The following PLG variants were observed in gnomAD, a reference collection of about 807,000 sequenced individuals.
The protein encoded by PLG is plasminogen.
PLG carries 41 observed loss-of-function variants against 104.4 expected under a neutral mutation model. That is an observed-to-expected ratio of 0.39 (90% CI 0.31 to 0.51). The LOEUF is 0.51. Ranked by LOEUF, PLG falls within the 20% of genes least tolerant of loss-of-function variation. The probability of loss-of-function intolerance (pLI) is 0.76; values close to 1 mark genes in which losing one functional copy is unlikely to be tolerated. For synonymous variants in PLG, 337 were observed against 357.1 expected (o/e 0.94, Z 0.63); for missense variants, 891 against 1,003.6 (o/e 0.89, Z 1.52).
Position 160,736,828 on chromosome 6 carries a change from T to C in PLG, c.1682-59T>C. On this transcript the variant is annotated intron_variant, in intron 13 of 18. Transcript: ENST00000308192. This position sits in a 1 kb window ranked among gnomAD's most constrained non-coding sequence, Gnocchi z 5.2. ...TCAGTGCTTGGAATTTGTCTCGAAT[T>C]ACACCACAAAATTGCTACCTTGTCT... is the stretch of plus-strand genomic sequence containing the variant. The C allele has an allele frequency of 6.2e-7, 1 of 1,609,204 alleles. No homozygotes were observed. Among genetic ancestry groups the C allele is most frequent in the Non-Finnish European group, 8.5e-7 (1 of 1,176,526 alleles).
intron 17 of PLG, among the ~76,000 whole-genome samples, chr6:160,749,815 A>G (rs2115188463): frequency 6.7e-6 from 1 of 149,720 alleles, no homozygotes; most frequent in East Asian, 2.0e-4. Flanking sequence ...CACCGTCACC[A>G]TCATTTCACT....
At position 160,724,984 on chromosome 6, in the gene PLG, A is replaced by G. The variant is rs1777900084; in HGVS notation, c.1256+2417A>G. Among the ~76,000 whole-genome samples, 1 of 152,158 alleles carries G rather than the reference A, an allele frequency of 6.6e-6. No homozygotes were observed. The highest frequency in any genetic ancestry group is 1.5e-5 in the Non-Finnish European group (1 of 68,018). On this transcript the variant is annotated intron_variant, in intron 10 of 18. Coordinates refer to ENST00000308192, the MANE Select transcript of PLG (RefSeq NM_000301.5). The surrounding 1 kb of genome is among the most constrained non-coding windows in gnomAD (Gnocchi z 5.0). ...TTAAAAGATAATTGATGGGAGGCTG[A>G]GTCGGGCAGATCATGGGGTCAGGAG... is the stretch of plus-strand genomic sequence containing the variant.
chr6:160,706,588 TG>T (rs921593561), intron 2 of PLG, 46 bp downstream of exon 2: 1 of 1,568,406 alleles, frequency 6.4e-7, no homozygotes, highest in African/African-American at 1.4e-5. Flanking sequence ...GTAATTCAGA[TG>T]GCAAGTAATT....
chr6:160,715,864 G>A lies in PLG; in HGVS notation c.669-781G>A, dbSNP rs553842925. ...GAAGGAGAAGAGGATTGCTTAAGCC[G>A]CTGCTGGCTCCTCTTTCCATCCTGG... On this transcript the variant is annotated intron_variant, in intron 6 of 18. Coordinates refer to ENST00000308192, the MANE Select transcript of PLG (RefSeq NM_000301.5). Among the ~76,000 whole-genome samples, 31 of 152,368 alleles carry A rather than the reference G, an allele frequency of 2.0e-4. 1 individual carries two copies. Among genetic ancestry groups the A allele is most frequent in the East Asian group, 9.6e-4 (5 of 5,184 alleles).
intron 4 of PLG, chr6:160,711,433 T>C: frequency 1.3e-6 from 1 of 782,948 alleles, no homozygotes; most frequent in South Asian, 1.9e-5. Context: ...TGTTTTATTG[T>C]CATATTGTTA....
At chr6:160,749,801 CCAT>C (rs1778370009) in intron 17 of PLG, among the ~76,000 whole-genome samples, 1 of 151,584 alleles carries the variant, frequency 6.6e-6, no homozygotes, top group African/African-American at 2.4e-5. Context: ...CTACCCACCA[CCAT>C]CACCGTCACC....
rs765010015 is a variant in PLG at position 160,752,070 on chromosome 6, G to C, written c.2126-45G>C. Reference sequence around the variant, plus strand: ...TCTGTTCTGGAATATCCTCCTGAATGTGTTTTGGGTGCAGTTGCCATTTCT... The same window carrying C: ...TCTGTTCTGGAATATCCTCCTGAATCTGTTTTGGGTGCAGTTGCCATTTCT... On this transcript the variant is annotated intron_variant, in intron 17 of 18. Transcript: ENST00000308192. This position sits in a 1 kb window ranked among gnomAD's most constrained non-coding sequence, Gnocchi z 4.7. The C allele has an allele frequency of 1.3e-6, 2 of 1,579,338 alleles. No homozygotes were observed. The highest frequency in any genetic ancestry group is 2.7e-5 in the African/African-American group (2 of 74,256).
In PLG at chr6:160,740,159, G is replaced by A. The variant is rs968212263; in HGVS notation, c.2018+951G>A. On this transcript the variant is annotated intron_variant, in intron 16 of 18. Coordinates refer to ENST00000308192, the MANE Select transcript of PLG (RefSeq NM_000301.5). This position sits in a 1 kb window ranked among gnomAD's most constrained non-coding sequence, Gnocchi z 5.2. ...GAGCCTGAGCTGCTCTCCTGGGCCTGGCCACAAGCCCAGGGCAGCTTCTCT... is the reference window on the plus strand; with the variant it reads ...GAGCCTGAGCTGCTCTCCTGGGCCTAGCCACAAGCCCAGGGCAGCTTCTCT... Among the ~76,000 whole-genome samples the A allele has an allele frequency of 6.6e-6, 1 of 152,170 alleles. No homozygotes were observed. The highest frequency in any genetic ancestry group is 2.4e-5 in the African/African-American group (1 of 41,452).
Position 160,731,996 on chromosome 6 carries a change from G to C in PLG, c.1587+103G>C. On this transcript the variant is annotated intron_variant, in intron 12 of 18. Coordinates refer to ENST00000308192, the MANE Select transcript of PLG (RefSeq NM_000301.5). This position sits in a 1 kb window ranked among gnomAD's most constrained non-coding sequence, Gnocchi z 5.1. Reference sequence around the variant, plus strand: ...AATCTGACCTGGACTGCTCTTTTTTGTAATGGGGGAGAGGGGACAGAAGAA... The same window carrying C: ...AATCTGACCTGGACTGCTCTTTTTTCTAATGGGGGAGAGGGGACAGAAGAA... The C allele has an allele frequency of 8.5e-7, 1 of 1,171,794 alleles. No individual in the cohort carries two copies. The highest frequency in any genetic ancestry group is 1.3e-6 in the Non-Finnish European group (1 of 784,956). The allele number at this position is 1,171,794 out of a possible 1,614,324, so 72.6% of individuals were successfully genotyped here.
chr6:160,728,833 A>C (rs1039921970), intron 10 of PLG, among the ~76,000 whole-genome samples: 3 of 152,212 alleles, frequency 2.0e-5, no homozygotes, highest in Non-Finnish European at 4.4e-5. Flanking sequence ...TATTTTCACA[A>C]ACTTGAGGAA....
Position 160,713,071 on chromosome 6 carries a change from T to C in PLG, c.493T>C (p.Tyr165His), listed in dbSNP as rs139828885. 38 of 1,609,242 alleles carry C rather than the reference T, an allele frequency of 2.4e-5. No individual in the cohort carries two copies. The African/African-American group carries it at 4.9e-4, about 21-fold the overall frequency. The stretch of plus-strand genomic sequence containing the variant: ...CAACGATCCGCAGGGGCCCTGGTGC[T>C]ATACTACTGATCCAGAAAAGAGATA... Reference protein sequence around the residue: ...PDNDPQGPWCYTTDPEKRYDY... With the variant: ...PDNDPQGPWCHTTDPEKRYDY... The change falls in exon 5 of 19, where the codon TAT (tyrosine) becomes CAT (histidine). Residue 165 changes from tyrosine (Y) to histidine (H), a missense_variant. Coordinates refer to ENST00000308192, the MANE Select transcript of PLG (RefSeq NM_000301.5).
At position 160,739,177 on chromosome 6, in the gene PLG, C is replaced by G. The variant is rs752522150; in HGVS notation, c.1987C>G (p.Arg663Gly). 1.2e-6 allele frequency: 2 copies of G among 1,614,128 alleles called. No homozygotes were observed. The highest frequency in any genetic ancestry group is 1.1e-5 in the South Asian group (1 of 91,084). The change falls in exon 16 of 19, where the codon CGA (arginine) becomes GGA (glycine). Residue 663 changes from arginine (R) to glycine (G), a missense_variant. By Grantham distance (125) the Arg-to-Gly change is moderately radical. Transcript: ENST00000308192. The surrounding 1 kb of genome is among the most constrained non-coding windows in gnomAD (Gnocchi z 4.4). ...EVSRLFLEPT[R>G]KDIALLKLSS... is the part of the protein sequence containing the mutation. ...GTCTAGGCTGTTCTTGGAGCCCACA[C>G]GAAAAGATATTGCCTTGCTAAAGCT...
chr6:160,745,237 T>C (rs1778259201), intron 17 of PLG, among the ~76,000 whole-genome samples: 1 of 152,214 alleles, frequency 6.6e-6, no homozygotes, highest in Non-Finnish European at 1.5e-5. Flanking sequence ...ATCTGTCTAA[T>C]ACTGTCAGTG....
chr6:160,714,241 C>T (rs1777693776), intron 5 of PLG, among the ~76,000 whole-genome samples: 1 of 152,148 alleles, frequency 6.6e-6, no homozygotes, highest in Non-Finnish European at 1.5e-5. Context: ...TGCTTCTCAA[C>T]AACATAAAAA....
chr6:160,743,455 G>A (rs1269006856), intron 17 of PLG, among the ~76,000 whole-genome samples: 4 of 152,018 alleles, frequency 2.6e-5, no homozygotes, highest in African/African-American at 4.8e-5. Context: ...ATTTGCCTCT[G>A]GGCTTGGCTG....
intron 17 of PLG, among the ~76,000 whole-genome samples, chr6:160,749,247 C>A (rs866141035): frequency 6.6e-6 from 1 of 152,098 alleles, no homozygotes; most frequent in Non-Finnish European, 1.5e-5. Context: ...TAAGATTATG[C>A]CTCATGATCA....
chr6:160,728,420 A>G (rs965279923), intron 10 of PLG, among the ~76,000 whole-genome samples: 2 of 152,232 alleles, frequency 1.3e-5, no homozygotes, highest in Non-Finnish European at 2.9e-5. Flanking sequence ...TTTTTTAAAA[A>G]ATGTGAAAAA....
chr6:160,746,838 A>T (rs1344633080), intron 17 of PLG, among the ~76,000 whole-genome samples: 1 of 152,160 alleles, frequency 6.6e-6, no homozygotes, highest in African/African-American at 2.4e-5. Flanking sequence ...CTTTGGTTTC[A>T]TAGTGTGGTA....
Position 160,747,268 on chromosome 6 carries a change from A to G in PLG, c.2126-4847A>G, listed in dbSNP as rs574173886. On this transcript the variant is annotated intron_variant, in intron 17 of 18. Transcript: ENST00000308192. ...GTTGATGGGTGTGGATGAGAACAAGAGAGGGAACACTTGTGCAGGATATGG... is the reference window on the plus strand; with the variant it reads ...GTTGATGGGTGTGGATGAGAACAAGGGAGGGAACACTTGTGCAGGATATGG... Among the ~76,000 whole-genome samples the G allele has an allele frequency of 5.8e-4, 89 of 152,326 alleles. 1 individual carries two copies. Among genetic ancestry groups the G allele is most frequent in the Non-Finnish European group, 1.0e-3 (70 of 68,032 alleles).
Sources: gnomAD v4.1 joint callset for allele counts (sites outside exome capture counted in the v4.1 genomes callset) on GRCh38, gnomAD v4.1.1 for gene constraint, Gnocchi (gnomAD v3.1) non-coding constraint, MANE v1.5 for transcripts, NCBI Gene and HGNC (gene_info 2026-07-23, HGNC 2026-07-21) for gene names.